DNAAF5: variants seen among roughly 807,000 people sequenced by gnomAD.
The protein encoded by DNAAF5 is HEAT repeat containing 2.
In DNAAF5, 64 loss-of-function variants were observed where a neutral mutation model predicts 75.8. The observed-to-expected ratio is 0.84, with a 90% CI of 0.69 to 1.04. The LOEUF is 1.04. Ranked by LOEUF, DNAAF5 falls within the 50% of genes least tolerant of loss-of-function variation. DNAAF5 has a pLI of 0.00. For missense variants in DNAAF5, 1,269 were observed against 1,178.5 expected (o/e 1.08, Z -1.12); for synonymous variants, 657 against 557.2 (o/e 1.18, Z -2.52).
chr7:750,744 C>T, intron 4 of DNAAF5: 1 of 159,852 alleles, frequency 6.3e-6, no homozygotes. Flanking sequence ...CCCTGCCCAG[C>T]ACCGGCCAGT....
intron 12 of DNAAF5, among the ~76,000 whole-genome samples, chr7:782,033 GA>G (rs1778965161): frequency 6.6e-6 from 1 of 152,250 alleles, no homozygotes; most frequent in East Asian, 1.9e-4. Flanking sequence ...GCCTCCTTTG[GA>G]AAATACTTAG....
At chr7:758,467 C>T (rs987837901) in intron 6 of DNAAF5, among the ~76,000 whole-genome samples, 1 of 152,354 alleles carries the variant, frequency 6.6e-6, no homozygotes, top group South Asian at 2.1e-4. Context: ...TCCAGTCACA[C>T]GGGACCCCTG....
At chr7:756,475 G>A (rs1388607707) in intron 5 of DNAAF5, among the ~76,000 whole-genome samples, 1 of 152,222 alleles carries the variant, frequency 6.6e-6, no homozygotes, top group Non-Finnish European at 1.5e-5. Context: ...GTGATGGGAA[G>A]GTTGGGTCAC....
chr7:740,877 A>G lies in DNAAF5; in HGVS notation c.839A>G (p.Tyr280Cys), dbSNP rs1319964858. 1 of 1,612,930 alleles carries G rather than the reference A, an allele frequency of 6.2e-7. No homozygotes were observed. The highest frequency in any genetic ancestry group is 1.7e-5 in the Admixed American group (1 of 59,956). ...GGWLLCLRDR[Y>C]SFFHKLIPLL... is the part of the protein sequence containing the mutation. ...TGGCTGCTGTGTCTGCGTGACCGTT[A>G]CTCCTTCTTCCACAAGCTCATCCCT... Residue 280 changes from tyrosine to cysteine, a missense_variant, in exon 3 of 13, where the codon TAC (tyrosine) becomes TGC (cysteine). Transcript: ENST00000297440.
intron 4 of DNAAF5, among the ~76,000 whole-genome samples, chr7:745,195 G>T (rs1477347888): frequency 6.6e-6 from 1 of 152,160 alleles, no homozygotes; most frequent in Non-Finnish European, 1.5e-5. Context: ...CATGCTACAC[G>T]GAGCCCAAGC....
Position 726,977 on chromosome 7 carries a change from G to A in DNAAF5, c.257G>A (p.Ser86Asn). 1.5e-6 allele frequency: 2 copies of A among 1,301,662 alleles called. No individual in the cohort carries two copies. The highest frequency in any genetic ancestry group is 2.0e-6 in the Non-Finnish European group (2 of 1,020,710). The allele number at this position is 1,301,662 out of a possible 1,614,324, so 80.6% of individuals were successfully genotyped here. A position where few individuals can be genotyped will look rare whatever the true frequency, so the allele number is the denominator to read the frequency against. The part of the protein sequence containing the change: ...LLLPRLLRCL[S>N]DPAEGCRALA... ...CTGCCGCGCTTGCTGCGCTGCCTGA[G>A]CGACCCCGCCGAGGGCTGCCGCGCG... The change falls in exon 1 of 13, where the codon AGC becomes AAC. Residue 86 changes from serine (S) to asparagine (N), a missense_variant. Coordinates refer to ENST00000297440, the MANE Select transcript of DNAAF5 (RefSeq NM_017802.4).
At chr7:784,097 C>T (rs759634887) in intron 12 of DNAAF5, among the ~76,000 whole-genome samples, 2 of 152,046 alleles carry the variant, frequency 1.3e-5, no homozygotes, top group Non-Finnish European at 2.9e-5. Flanking sequence ...TACCCCTCCT[C>T]GAGGCCCTGG....
chr7:757,733 G>A (rs138153682), intron 6 of DNAAF5, among the ~76,000 whole-genome samples: 10 of 152,364 alleles, frequency 6.6e-5, no homozygotes, highest in African/African-American at 2.4e-4. Flanking sequence ...GTCAGTGTGT[G>A]TGTTGGACTC....
Position 751,228 on chromosome 7 carries a change from GC to G in DNAAF5, c.1025-3359del, listed in dbSNP as rs375689841. ...AAATGATGACAGGATCATTTAAACA[GC>G]CAGCAGAATTTTAATTATTTGGAAC... On this transcript the variant is annotated intron_variant, in intron 4 of 12. Coordinates refer to ENST00000297440, the MANE Select transcript of DNAAF5 (RefSeq NM_017802.4). Among the ~76,000 whole-genome samples, 253 of 152,166 alleles carry G rather than the reference GC, an allele frequency of 1.7e-3. 2 individuals are homozygous for G. The highest frequency in any genetic ancestry group is 5.4e-3 in the African/African-American group (223 of 41,520).
chr7:739,269 T>C (rs556869396), intron 2 of DNAAF5, among the ~76,000 whole-genome samples: 6 of 152,220 alleles, frequency 3.9e-5, no homozygotes, highest in Non-Finnish European at 8.8e-5. Context: ...TCTCAGCACA[T>C]GGCACTGGGT....
At chr7:771,954 A>G (rs1358943179) in intron 9 of DNAAF5, 1 of 151,066 alleles carries the variant, frequency 6.6e-6, no homozygotes, top group Non-Finnish European at 1.5e-5. Context: ...AATAGGAAAG[A>G]TTTTTTTTTT....
intron 11 of DNAAF5, chr7:778,517 G>A (rs1778836167): frequency 6.6e-6 from 1 of 152,316 alleles, no homozygotes; most frequent in African/African-American, 2.4e-5. Flanking sequence ...TGCATGAAAG[G>A]AACCCTAAAC....
chr7:734,011 G>T lies in DNAAF5; in HGVS notation c.780+4164G>T, dbSNP rs534391473. Among the ~76,000 whole-genome samples the T allele has an allele frequency of 3.0e-4, 46 of 152,228 alleles. No homozygotes were observed. The South Asian group carries it at 9.1e-3, about 30-fold the overall frequency. On this transcript the variant is annotated intron_variant, in intron 2 of 12. Transcript: ENST00000297440. ...TATCTGTTCTAATAGGTTTTTTGTG[G>T]AATCTTTAGGTTTTTCCAAATGTAA...
rs187272079 is a variant in DNAAF5 at position 744,800 on chromosome 7, G to A, written c.1024+3335G>A. Among the ~76,000 whole-genome samples, 687 of 152,190 alleles carry A rather than the reference G, an allele frequency of 4.5e-3. 3 individuals are homozygous for A. The highest frequency in any genetic ancestry group is 0.016 in the African/African-American group (645 of 41,526). ...GTATTTTTAATAGAGACAGGGTTTC[G>A]CCATGTTGGTCAGGGTGGTCTCGAA... On this transcript the variant is annotated intron_variant, in intron 4 of 12. Coordinates refer to ENST00000297440, the MANE Select transcript of DNAAF5 (RefSeq NM_017802.4).
chr7:758,603 G>A (rs1372585815), intron 6 of DNAAF5, among the ~76,000 whole-genome samples: 1 of 152,186 alleles, frequency 6.6e-6, no homozygotes, highest in Non-Finnish European at 1.5e-5. Context: ...GTTTTAGGTT[G>A]ATCCTCCCAC....
intron 12 of DNAAF5, among the ~76,000 whole-genome samples, chr7:783,848 G>A (rs1425803009): frequency 6.6e-6 from 1 of 152,108 alleles, no homozygotes; most frequent in Non-Finnish European, 1.5e-5. Context: ...TCGTCCTCAG[G>A]ACCTTGCTCT....
Position 785,662 on chromosome 7 carries a change from G to C in DNAAF5, c.*9G>C, listed in dbSNP as rs1477498132. On this transcript the variant is annotated 3_prime_UTR_variant, in exon 13 of 13. Coordinates refer to ENST00000297440, the MANE Select transcript of DNAAF5 (RefSeq NM_017802.4). ...TGCCAGCCACACAGTGACCACGCTGGTTTCAGCCACGGCACACCCTTGTCC... is the reference window on the plus strand; with the variant it reads ...TGCCAGCCACACAGTGACCACGCTGCTTTCAGCCACGGCACACCCTTGTCC... 1 of 1,612,156 alleles carries C rather than the reference G, an allele frequency of 6.2e-7. No homozygotes were observed. The highest frequency in any genetic ancestry group is 2.2e-5 in the East Asian group (1 of 44,876).
intron 6 of DNAAF5, among the ~76,000 whole-genome samples, chr7:761,209 C>T (rs1281641381): frequency 2.0e-5 from 3 of 152,158 alleles, no homozygotes; most frequent in East Asian, 1.9e-4. Flanking sequence ...TCAACAAGCA[C>T]GCCCTTTTAT....
chr7:769,276 T>C (rs1583511689), intron 8 of DNAAF5: 6 of 709,064 alleles, frequency 8.5e-6, no homozygotes, highest in Admixed American at 2.0e-5. Flanking sequence ...AGCGCCTCCT[T>C]CTGCGGCCCC....
Sources: allele counts gnomAD v4.1 joint callset (sites outside exome capture counted in the v4.1 genomes callset), GRCh38; gene constraint gnomAD v4.1.1; transcripts MANE v1.5; gene names NCBI Gene and HGNC (gene_info 2026-07-23, HGNC 2026-07-21).